B4GALT1: variants seen among roughly 807,000 people sequenced by gnomAD.
B4GALT1 encodes beta-1,4-galactosyltransferase 1, also known as N-acetyllactosamine synthase.
Under a neutral mutation model 34.9 loss-of-function variants are expected in B4GALT1, and 16 were observed. The ratio of observed to expected loss-of-function variants is 0.46; its 90% CI spans 0.31 to 0.70. B4GALT1 has a LOEUF of 0.70. Ranked by LOEUF, B4GALT1 falls within the 30% of genes least tolerant of loss-of-function variation. The pLI, the probability that B4GALT1 is intolerant of heterozygous loss-of-function variation, is 0.05. For synonymous variants in B4GALT1, 221 were observed against 218.1 expected (o/e 1.01, Z -0.12); for missense variants, 445 against 530.5 (o/e 0.84, Z 1.58).
At chr9:33,169,968 ATTTTTTTTTT>A (rs74178857), upstream of B4GALT1, among the ~76,000 whole-genome samples, 1 of 120,496 alleles carries the variant, frequency 8.3e-6, no homozygotes, top group Non-Finnish European at 1.7e-5. Context: ...CAGCCCCTAG[ATTTTTTTTTT>A]TTTTTTTTTG....
intron 4 of B4GALT1, among the ~76,000 whole-genome samples, chr9:33,115,278 G>A (rs955148271): frequency 1.3e-5 from 2 of 152,242 alleles, no homozygotes; most frequent in Non-Finnish European, 2.9e-5. Context: ...GCACCAGGGT[G>A]TATTCTGATA....
At chr9:33,148,020 C>T (rs1250257055) in intron 1 of B4GALT1, among the ~76,000 whole-genome samples, 2 of 151,662 alleles carry the variant, frequency 1.3e-5, no homozygotes, top group Non-Finnish European at 2.9e-5. Flanking sequence ...GGTGACAGAG[C>T]AAAACCCCAA....
At chr9:33,169,135 A>C (rs1587757606), upstream of B4GALT1, among the ~76,000 whole-genome samples, 1 of 152,010 alleles carries the variant, frequency 6.6e-6, no homozygotes, top group South Asian at 2.1e-4. Flanking sequence ...CCCTGCTTCC[A>C]CCTCCTCCAT....
Position 33,160,976 on chromosome 9 carries a change from C to A in B4GALT1, c.412+5782G>T, listed in dbSNP as rs116574522. 6.9e-3 allele frequency among the ~76,000 whole-genome samples: 1,057 copies of A among 152,114 alleles called. 9 individuals are homozygous for A. Among genetic ancestry groups the A allele is most frequent in the African/African-American group, 0.024 (999 of 41,470 alleles). ...CCCCCTCAAAAGGCAAAAGCAAAGA[C>A]CCATACCCCTATCCCTATCCCCAAC... On this transcript the variant is annotated intron_variant, in intron 1 of 5. Coordinates refer to ENST00000379731, the MANE Select transcript of B4GALT1 (RefSeq NM_001497.4).
At position 33,147,480 on chromosome 9, in the gene B4GALT1, C is replaced by T. The variant is rs575107298; in HGVS notation, c.413-12056G>A. ...CGGGCTGGTCTTGAACTTCTGACCT[C>T]GGGTGATCTGCCCACCTCGGCCTCC... On this transcript the variant is annotated intron_variant, in intron 1 of 5. Coordinates refer to ENST00000379731, the MANE Select transcript of B4GALT1 (RefSeq NM_001497.4). Among the ~76,000 whole-genome samples the T allele has an allele frequency of 2.6e-5, 4 of 152,210 alleles. No homozygotes were observed. In the East Asian group the frequency reaches 7.8e-4, roughly 30 times the overall value.
chr9:33,166,523 G>A (rs1840756490), intron 1 of B4GALT1, among the ~76,000 whole-genome samples: 1 of 152,220 alleles, frequency 6.6e-6, no homozygotes, highest in African/African-American at 2.4e-5. Context: ...GAGGGGCCTC[G>A]GGACTTCCCT....
At chr9:33,139,075 T>C (rs1840311137) in intron 1 of B4GALT1, among the ~76,000 whole-genome samples, 2 of 152,138 alleles carry the variant, frequency 1.3e-5, no homozygotes, top group South Asian at 4.1e-4. Context: ...GAGTCTTTAC[T>C]CTGAAATGTC....
In B4GALT1 at chr9:33,113,777, T is replaced by C. The variant is rs763899957; in HGVS notation, c.1061A>G (p.Gln354Arg). The C allele has an allele frequency of 2.5e-6, 4 of 1,614,168 alleles. No individual in the cohort carries two copies. The highest frequency in any genetic ancestry group is 2.5e-6 in the Non-Finnish European group (3 of 1,179,998). Residue 354 changes from glutamine to arginine, a missense_variant, in exon 5 of 6, where the codon CAG (glutamine) becomes CGG (arginine). By Grantham distance (43) the Gln-to-Arg change is conservative (BLOSUM62 1). Transcript: ENST00000379731. ...TATGAATAAACAAAGAATGCACCTC[T>C]GAGGATTGGGTTCATTTTTCTTGTC... ...SRDKKNEPNP[Q>R]RFDRIAHTKE...
In B4GALT1 at chr9:33,113,288, A is replaced by T; in HGVS notation, c.*166T>A. 1 of 1,045,416 alleles carries T rather than the reference A, an allele frequency of 9.6e-7. No homozygotes were observed. Among genetic ancestry groups the T allele is most frequent in the Non-Finnish European group, 1.4e-6 (1 of 689,854 alleles). 64.8% of individuals were successfully genotyped at this position (1,045,416 alleles called of 1,614,324 possible). A position where few individuals can be genotyped will look rare whatever the true frequency, so the allele number is the denominator to read the frequency against. On this transcript the variant is annotated 3_prime_UTR_variant, in exon 6 of 6. Transcript: ENST00000379731. ...CACATGCCGAGCCAAGTTGGGGGCAAAATATCCCACTCGTCCTGGTCATCT... is the reference window on the plus strand; with the variant it reads ...CACATGCCGAGCCAAGTTGGGGGCATAATATCCCACTCGTCCTGGTCATCT...
Position 33,113,433 on chromosome 9 carries a change from T to G in B4GALT1, c.*21A>C. On this transcript the variant is annotated 3_prime_UTR_variant, in exon 6 of 6. Coordinates refer to ENST00000379731, the MANE Select transcript of B4GALT1 (RefSeq NM_001497.4). Reference sequence around the variant, plus strand: ...AGAGGTCCCTGGCTAATTTCAGGTCTCTTATCCGTGTACCAAAACGCTAGC... The same window carrying G: ...AGAGGTCCCTGGCTAATTTCAGGTCGCTTATCCGTGTACCAAAACGCTAGC... 6.2e-7 allele frequency: 1 copy of G among 1,614,108 alleles called. No homozygotes were observed. The highest frequency in any genetic ancestry group is 8.5e-7 in the Non-Finnish European group (1 of 1,179,996).
At chr9:33,183,645 G>T in the B4GALT1 span, among the ~76,000 whole-genome samples, 1 of 97,990 alleles carries the variant, frequency 1.0e-5, no homozygotes, top group East Asian at 3.9e-4. Flanking sequence ...GGTGGGGGGA[G>T]GGGGGAGGGA....
chr9:33,180,375 A>G, the B4GALT1 span, among the ~76,000 whole-genome samples: 27 of 152,292 alleles, frequency 1.8e-4, no homozygotes, highest in African/African-American at 6.3e-4. Context: ...GCAATTTCCA[A>G]TATCATACTT....
intron 1 of B4GALT1, among the ~76,000 whole-genome samples, chr9:33,152,828 C>A (rs893318922): frequency 6.6e-6 from 1 of 151,902 alleles, no homozygotes; most frequent in African/African-American, 2.4e-5. Context: ...GAGCCAAGAT[C>A]GGACAACTGC....
chr9:33,140,684 C>T (rs746271292), intron 1 of B4GALT1, among the ~76,000 whole-genome samples: 5 of 152,236 alleles, frequency 3.3e-5, no homozygotes, highest in Non-Finnish European at 7.3e-5. Flanking sequence ...TGACAGTACA[C>T]TGCACAGCCC....
At chr9:33,130,154 T>C (rs1435936675) in intron 2 of B4GALT1, among the ~76,000 whole-genome samples, 2 of 152,318 alleles carry the variant, frequency 1.3e-5, no homozygotes, top group Middle Eastern at 3.4e-3. Flanking sequence ...CAAACCCACC[T>C]GGCCAGCTGT....
chr9:33,161,965 C>G (rs998349280), intron 1 of B4GALT1, among the ~76,000 whole-genome samples: 19 of 152,158 alleles, frequency 1.2e-4, no homozygotes, highest in African/African-American at 4.6e-4. Context: ...AGCCTGCCGG[C>G]CCTGTTCCTT....
Position 33,111,782 on chromosome 9 carries a change from GC to G in B4GALT1, c.*1671del, listed in dbSNP as rs1239303459. The G allele has an allele frequency of 6.6e-6, 1 of 152,458 alleles. No individual in the cohort carries two copies. Among genetic ancestry groups the G allele is most frequent in the East Asian group, 1.9e-4 (1 of 5,180 alleles). The allele number at this position is 152,458 out of a possible 1,614,324, so 9.4% of individuals were successfully genotyped here. A position where few individuals can be genotyped will look rare whatever the true frequency, so the allele number is the denominator to read the frequency against. On this transcript the variant is annotated 3_prime_UTR_variant, in exon 6 of 6. Coordinates refer to ENST00000379731, the MANE Select transcript of B4GALT1 (RefSeq NM_001497.4). Reference sequence around the variant, plus strand: ...GGCAAAGGCGCTCAGTGGTAGGAGTGCCTTGTGTCATCTCATCCCAGGTGGC... The same window carrying G: ...GGCAAAGGCGCTCAGTGGTAGGAGTGCTTGTGTCATCTCATCCCAGGTGGC...
At chr9:33,109,040 T>C (rs1839825981), downstream of B4GALT1, among the ~76,000 whole-genome samples, 1 of 152,228 alleles carries the variant, frequency 6.6e-6, no homozygotes, top group Non-Finnish European at 1.5e-5. Context: ...TCTTTTGTTT[T>C]AATGAAATGA....
chr9:33,148,251 G>C (rs1485052391), intron 1 of B4GALT1, among the ~76,000 whole-genome samples: 2 of 152,166 alleles, frequency 1.3e-5, no homozygotes, highest in African/African-American at 4.8e-5. Flanking sequence ...ATGAAGAAAT[G>C]CTCCAGCTCA....
Sources: gnomAD v4.1 joint callset for allele counts (sites outside exome capture counted in the v4.1 genomes callset) on GRCh38, gnomAD v4.1.1 for gene constraint, MANE v1.5 for transcripts, NCBI Gene and HGNC (gene_info 2026-07-23, HGNC 2026-07-21) for gene names.